FAM209A: variants seen among roughly 807,000 people sequenced by gnomAD.
FAM209A encodes family with sequence similarity 209 member A.
FAM209A carries 4 observed loss-of-function variants against 9.8 expected under a neutral mutation model. The observed-to-expected ratio is 0.41, with a 90% CI of 0.20 to 0.94. FAM209A has a LOEUF of 0.94. Among genes scored for constraint, FAM209A ranks in the 40% least tolerant of loss-of-function variants. The pLI is 0.32. For missense variants in FAM209A, 205 were observed against 209.4 expected (o/e 0.98, Z 0.13); for synonymous variants, 55 against 77.8 (o/e 0.71, Z 1.54).
the FAM209A span, chr20:56,533,391 G>A: frequency 6.2e-7 from 1 of 1,614,126 alleles, no homozygotes; most frequent in African/African-American, 1.3e-5. Flanking sequence ...CTCACCTGCA[G>A]CTATGCCTTT....
the FAM209A span, among the ~76,000 whole-genome samples, chr20:56,531,412 C>T: frequency 2.6e-5 from 4 of 151,662 alleles, no homozygotes; most frequent in Non-Finnish European, 2.9e-5. Context: ...AATTCTCCTG[C>T]CTCAGCCTCC....
intron 1 of FAM209A, among the ~76,000 whole-genome samples, chr20:56,525,291 A>T (rs1348537684): frequency 6.6e-6 from 1 of 152,140 alleles, no homozygotes; most frequent in African/African-American, 2.4e-5. Flanking sequence ...TGGCTCACAG[A>T]TTTTCTGGTT....
At position 56,525,952 on chromosome 20, in the gene FAM209A, T is replaced by G; in HGVS notation, c.398T>G (p.Leu133Arg). 6.2e-7 allele frequency: 1 copy of G among 1,614,216 alleles called. No homozygotes were observed. Residue 133 changes from leucine (L) to arginine (R), a missense_variant, in exon 2 of 2, where the codon CTT becomes CGT. Transcript: ENST00000371328. Reference sequence around the variant, plus strand: ...AAATTTGTGTCCAAAGTGCGGAATCTTAAACGTGCCATGGCAACAGGTAGT... The same window carrying G: ...AAATTTGTGTCCAAAGTGCGGAATCGTAAACGTGCCATGGCAACAGGTAGT... ...LMKFVSKVRN[L>R]KRAMATGSGS...
downstream of FAM209A, among the ~76,000 whole-genome samples, chr20:56,526,691 C>T (rs1345958790): frequency 6.6e-6 from 1 of 150,602 alleles, no homozygotes; most frequent in Non-Finnish European, 1.5e-5. Context: ...CGCTCAAACC[C>T]GGGAGGCAGA....
chr20:56,533,430 G>A, the FAM209A span: 1 of 1,613,602 alleles, frequency 6.2e-7, no homozygotes, highest in Non-Finnish European at 8.5e-7. Context: ...CAGAAAACTA[G>A]CGAACCCCAG....
At chr20:56,526,692 G>A (rs539878944), downstream of FAM209A, among the ~76,000 whole-genome samples, 66 of 149,774 alleles carry the variant, frequency 4.4e-4, no homozygotes, top group African/African-American at 1.5e-3. Flanking sequence ...GCTCAAACCC[G>A]GGAGGCAGAG....
At chr20:56,527,416 C>A (rs1985577790), downstream of FAM209A, among the ~76,000 whole-genome samples, 1 of 152,192 alleles carries the variant, frequency 6.6e-6, no homozygotes, top group Admixed American at 6.5e-5. Context: ...GGGCCAGGTT[C>A]CCTTTCTTGG....
chr20:56,532,118 G>A, the FAM209A span, among the ~76,000 whole-genome samples: 1 of 151,672 alleles, frequency 6.6e-6, no homozygotes, highest in Non-Finnish European at 1.5e-5. Context: ...GGGATTACAG[G>A]CACATGCCAC....
chr20:56,528,016 A>G (rs1365444134), downstream of FAM209A, among the ~76,000 whole-genome samples: 1 of 152,184 alleles, frequency 6.6e-6, no homozygotes, highest in Non-Finnish European at 1.5e-5. Flanking sequence ...CTGAGGCAGG[A>G]GAATCACTTG....
At chr20:56,532,344 G>C in the FAM209A span, among the ~76,000 whole-genome samples, 14 of 152,130 alleles carry the variant, frequency 9.2e-5, no homozygotes, top group African/African-American at 3.1e-4. Context: ...GTAATAGGGA[G>C]TGGTGGGGAC....
chr20:56,531,798 G>A, the FAM209A span, among the ~76,000 whole-genome samples: 3 of 151,502 alleles, frequency 2.0e-5, no homozygotes, highest in Non-Finnish European at 2.9e-5. Context: ...GCTAATTTTT[G>A]TATTTTTAGT....
At chr20:56,530,755 C>A (rs1187906651), downstream of FAM209A, among the ~76,000 whole-genome samples, 2 of 151,218 alleles carry the variant, frequency 1.3e-5, no homozygotes, top group Non-Finnish European at 2.9e-5. Context: ...ATGATCTGCT[C>A]ACATTGGCTT....
chr20:56,530,042 A>C (rs1985690318), downstream of FAM209A, among the ~76,000 whole-genome samples: 1 of 151,876 alleles, frequency 6.6e-6, no homozygotes, highest in African/African-American at 2.4e-5. Flanking sequence ...GACAACAAAA[A>C]TCCACTCAAC....
downstream of FAM209A, among the ~76,000 whole-genome samples, chr20:56,530,904 C>T (rs1365961279): frequency 6.6e-6 from 1 of 152,164 alleles, no homozygotes; most frequent in Non-Finnish European, 1.5e-5. Context: ...TCCTATGCAG[C>T]ATAAAGTTCT....
At chr20:56,528,486 A>G (rs1985632396), downstream of FAM209A, among the ~76,000 whole-genome samples, 1 of 150,240 alleles carries the variant, frequency 6.7e-6, no homozygotes, top group South Asian at 2.1e-4. Flanking sequence ...CTGTAGTCCC[A>G]GCTACTCAGG....
downstream of FAM209A, among the ~76,000 whole-genome samples, chr20:56,527,338 AC>A (rs1985572701): frequency 6.6e-6 from 1 of 151,924 alleles, no homozygotes. Flanking sequence ...CTTTCTGGCA[AC>A]CCAAGATGCT....
chr20:56,533,547 C>T, the FAM209A span: 21 of 1,613,974 alleles, frequency 1.3e-5, no homozygotes, highest in South Asian at 8.8e-5. Context: ...GCTGTTGTGC[C>T]GTTTGTGATA....
At chr20:56,529,558 A>G (rs905995499), downstream of FAM209A, among the ~76,000 whole-genome samples, 5 of 151,230 alleles carry the variant, frequency 3.3e-5, no homozygotes, top group Non-Finnish European at 7.4e-5. Context: ...GCCTGGCACA[A>G]TGGCTCAGTC....
downstream of FAM209A, among the ~76,000 whole-genome samples, chr20:56,529,995 T>C (rs1028735618): frequency 1.3e-5 from 2 of 152,180 alleles, no homozygotes; most frequent in African/African-American, 4.8e-5. Context: ...CACTCCAGCC[T>C]GGGCGACACA....
Sources: allele counts gnomAD v4.1 joint callset (sites outside exome capture counted in the v4.1 genomes callset), GRCh38; gene constraint gnomAD v4.1.1; transcripts MANE v1.5; gene names NCBI Gene and HGNC (gene_info 2026-07-23, HGNC 2026-07-21).